Variants in RAB37 observed in about 807,000 individuals in gnomAD.
RAB37 encodes the protein ras-related protein Rab-37.
Under a neutral mutation model 33.1 loss-of-function variants are expected in RAB37, and 29 were observed. The observed-to-expected ratio is 0.88, with a 90% CI of 0.65 to 1.20. RAB37 has a LOEUF of 1.20. RAB37 is among the 50% of genes most tolerant of loss of function. RAB37 has a pLI of 0.00. For missense variants in RAB37, 299 were observed against 301.1 expected, an observed-to-expected ratio of 0.99 and a Z score of 0.05; for synonymous variants, 128 against 119.5, an observed-to-expected ratio of 1.07 and a Z score of -0.47.
intron 1 of RAB37, among the ~76,000 whole-genome samples, chr17:74,716,175 C>A (rs1437105642): frequency 6.6e-6 from 1 of 152,206 alleles, no homozygotes; most frequent in African/African-American, 2.4e-5. Flanking sequence ...CCTGGTTTGA[C>A]CATTGACCTA....
chr17:74,678,328 C>T (rs111487930), intron 1 of RAB37, among the ~76,000 whole-genome samples: 125 of 152,234 alleles, frequency 8.2e-4, no homozygotes, highest in Admixed American at 2.0e-3. Flanking sequence ...TAACTGATGA[C>T]ACCAGGCCTC....
upstream of RAB37, chr17:74,736,930 C>A (rs893588563): frequency 2.0e-6 from 3 of 1,507,344 alleles, no homozygotes; most frequent in Admixed American, 6.5e-5. Context: ...TACGGGAACT[C>A]TTCCGCAGCA....
chr17:74,735,927 C>T (rs1168326842), upstream of RAB37, among the ~76,000 whole-genome samples: 1 of 152,206 alleles, frequency 6.6e-6, no homozygotes, highest in Non-Finnish European at 1.5e-5. Flanking sequence ...AATTGCAGGC[C>T]GGGCGCAGTG....
rs539244676 is a variant in RAB37 at position 74,729,469 on chromosome 17, T to C, written c.183+103T>C. 3.6e-6 allele frequency: 3 copies of C among 832,390 alleles called. No individual in the cohort carries two copies. The highest frequency in any genetic ancestry group is 2.7e-5 in the South Asian group (2 of 74,860). The allele number at this position is 832,390 out of a possible 1,614,324, so 51.6% of individuals were successfully genotyped here. On this transcript the variant is annotated intron_variant, in intron 2 of 7. Transcript: ENST00000340415. This position sits in a 1 kb window ranked among gnomAD's most constrained non-coding sequence, Gnocchi z 4.2. ...ACAGGTGGACACTCGCATTGGATCATTCAAGGAGGATTAAGGAGAAGACTG... is the reference window on the plus strand; with the variant it reads ...ACAGGTGGACACTCGCATTGGATCACTCAAGGAGGATTAAGGAGAAGACTG...
intron 1 of RAB37, among the ~76,000 whole-genome samples, chr17:74,714,808 G>C (rs959481883): frequency 4.6e-5 from 7 of 152,180 alleles, no homozygotes; most frequent in Non-Finnish European, 1.0e-4. Context: ...AGTCCCTAGG[G>C]TCGGGACTGG....
At position 74,726,233 on chromosome 17, in the gene RAB37, T is replaced by TAA. The variant is rs11422240; in HGVS notation, c.73-3006_73-3005dup. Among the ~76,000 whole-genome samples the TAA allele has an allele frequency of 4.0e-3, 419 of 105,632 alleles. 6 individuals carry two copies. Among genetic ancestry groups the TAA allele is most frequent in the Admixed American group, 0.025 (243 of 9,804 alleles). The allele number at this position is 105,632 out of a possible 152,430, so 69.3% of individuals were successfully genotyped here. A position where few individuals can be genotyped will look rare whatever the true frequency, so the allele number is the denominator to read the frequency against. ...CTGGGCGACAGAGAGAGACTCTGCCTAAAAAAAAAAAAAAAAAAGACCATG... is the reference window on the plus strand; with the variant it reads ...CTGGGCGACAGAGAGAGACTCTGCCTAAAAAAAAAAAAAAAAAAAAGACCATG... On this transcript the variant is annotated intron_variant, in intron 1 of 7. Coordinates refer to the RAB37 transcript ENST00000340415.
At chr17:74,688,757 G>A (rs137988951) in intron 1 of RAB37, among the ~76,000 whole-genome samples, 5 of 152,030 alleles carry the variant, frequency 3.3e-5, no homozygotes, top group Non-Finnish European at 7.4e-5. Context: ...GTAAAATATC[G>A]GAAAGAAATG....
At chr17:74,696,270 A>G in intron 1 of RAB37, 5 of 1,566,982 alleles carry the variant, frequency 3.2e-6, no homozygotes, top group African/African-American at 2.7e-5. Flanking sequence ...CAGACTCACA[A>G]GAACCCCCAG....
intron 1 of RAB37, chr17:74,696,168 C>G (rs766411939): frequency 6.3e-7 from 1 of 1,592,648 alleles, no homozygotes; most frequent in Non-Finnish European, 8.5e-7. Context: ...CCTGGTCTCT[C>G]TGGTCCGACC....
At chr17:74,715,087 A>C (rs1376312301) in intron 1 of RAB37, among the ~76,000 whole-genome samples, 1 of 152,230 alleles carries the variant, frequency 6.6e-6, no homozygotes, top group Non-Finnish European at 1.5e-5. Context: ...GCACCATTGC[A>C]CTACAGCCTG....
rs2031830969 is a variant in RAB37 at position 74,676,295 on chromosome 17, G to T, written c.72+4637G>T. Among the ~76,000 whole-genome samples, 1 of 151,988 alleles carries T rather than the reference G, an allele frequency of 6.6e-6. No homozygotes were observed. Among genetic ancestry groups the T allele is most frequent in the South Asian group, 2.1e-4 (1 of 4,816 alleles). ...CCACATACCAGACTAGCTTCCAGAG[G>T]GACGAACAATTCCTAGGACAAAGTC... On this transcript the variant is annotated intron_variant, in intron 1 of 7. Coordinates refer to the RAB37 transcript ENST00000340415. The surrounding 1 kb of genome is among the most constrained non-coding windows in gnomAD (Gnocchi z 4.1).
intron 1 of RAB37, among the ~76,000 whole-genome samples, chr17:74,722,000 AAG>A (rs1374227338): frequency 6.6e-6 from 1 of 152,106 alleles, no homozygotes; most frequent in African/African-American, 2.4e-5. Context: ...TATGGAAAGA[AAG>A]AGAGATTTGT....
chr17:74,678,571 CT>C (rs1477761299), intron 1 of RAB37, among the ~76,000 whole-genome samples: 2 of 152,158 alleles, frequency 1.3e-5, no homozygotes, highest in Non-Finnish European at 2.9e-5. Flanking sequence ...ATCATTTGTG[CT>C]TTTGCAAATG....
At chr17:74,716,307 C>T (rs2034164464) in intron 1 of RAB37, among the ~76,000 whole-genome samples, 1 of 152,124 alleles carries the variant, frequency 6.6e-6, no homozygotes, top group South Asian at 2.1e-4. Flanking sequence ...TGTGTGTGTG[C>T]ATGTATGTAC....
At chr17:74,708,012 G>T (rs1251621418) in intron 1 of RAB37, among the ~76,000 whole-genome samples, 5 of 151,752 alleles carry the variant, frequency 3.3e-5, no homozygotes, top group African/African-American at 2.4e-5. Flanking sequence ...GCCTGGCGTG[G>T]TGGCACACAC....
At chr17:74,700,148 T>C (rs2143666749) in intron 1 of RAB37, among the ~76,000 whole-genome samples, 2 of 146,028 alleles carry the variant, frequency 1.4e-5, no homozygotes, top group South Asian at 4.4e-4. Context: ...TCTCAATAAA[T>C]AAATAAATAA....
At chr17:74,739,429 C>T (rs1345396274) in intron 1 of RAB37, among the ~76,000 whole-genome samples, 3 of 152,188 alleles carry the variant, frequency 2.0e-5, no homozygotes, top group Admixed American at 2.0e-4. Context: ...CGATCTGCAG[C>T]CACATGTCCC....
chr17:74,703,321 G>C (rs951915786), intron 1 of RAB37, among the ~76,000 whole-genome samples: 8 of 152,134 alleles, frequency 5.3e-5, no homozygotes, highest in Non-Finnish European at 1.2e-4. Context: ...AGCCTCATAG[G>C]CAGGTGGGGC....
intron 1 of RAB37, chr17:74,712,989 A>C: frequency 8.0e-6 from 8 of 999,096 alleles, no homozygotes; most frequent in Non-Finnish European, 1.2e-5. Flanking sequence ...GTCACTTCCC[A>C]TGGGTGAAAG....
Sources: gnomAD v4.1 joint callset for allele counts (sites outside exome capture counted in the v4.1 genomes callset) on GRCh38, gnomAD v4.1.1 for gene constraint, Gnocchi (gnomAD v3.1) non-coding constraint, MANE v1.5 for transcripts, NCBI Gene and HGNC (gene_info 2026-07-23, HGNC 2026-07-21) for gene names.